The following CHRM3 variants were observed in gnomAD, a reference collection of about 807,000 sequenced individuals.
The protein encoded by CHRM3 is cholinergic receptor muscarinic 3.
In CHRM3, 11 loss-of-function variants were observed where a neutral mutation model predicts 41.8. That is an observed-to-expected ratio of 0.26 (90% confidence interval 0.17 to 0.44). CHRM3 has a LOEUF of 0.44. Ranked by LOEUF, CHRM3 falls within the 20% of genes least tolerant of loss-of-function variation. CHRM3 has a pLI of 1.00. For missense variants in CHRM3, 571 were observed against 745.4 expected (o/e 0.77, Z 2.72); for synonymous variants, 297 against 301.4 (o/e 0.99, Z 0.15).
chr1:239,404,426 GAAAGAAAGAAA>G (rs1660367023), intron 1 of CHRM3, among the ~76,000 whole-genome samples: 12 of 104,810 alleles, frequency 1.1e-4, no homozygotes, highest in African/African-American at 4.6e-4. Context: ...AAGAAAGAAA[GAAAGAAAGAAA>G]GAAAGAAAGA....
In CHRM3 at chr1:239,908,915, A is replaced by G; in HGVS notation, c.1464A>G (p.Lys488=). The change falls in exon 7 of 7, where the codon AAA becomes AAG. Residue 488 remains lysine (K), a synonymous_variant. Transcript: ENST00000676153. The surrounding 1 kb of genome is among the most constrained non-coding windows in gnomAD (Gnocchi z 7.2). ...GGATGTCCCTGGTCAAGGAGAAGAA[A>G]GCGGCCCAGACCCTCAGTGCGATCT... ...RKRMSLVKEK[K]AAQTLSAILL... 1 of 1,614,112 alleles carries G rather than the reference A, an allele frequency of 6.2e-7. No homozygotes were observed. The highest frequency in any genetic ancestry group is 2.2e-5 in the East Asian group (1 of 44,838).
At chr1:239,597,324 A>T (rs1664895476) in intron 3 of CHRM3, among the ~76,000 whole-genome samples, 1 of 152,160 alleles carries the variant, frequency 6.6e-6, no homozygotes, top group Non-Finnish European at 1.5e-5. Flanking sequence ...TTTTGTTTTC[A>T]ATGGCCCTAT....
At chr1:239,835,197 A>G (rs1222377465) in intron 6 of CHRM3, among the ~76,000 whole-genome samples, 1 of 152,234 alleles carries the variant, frequency 6.6e-6, no homozygotes, top group Admixed American at 6.5e-5. Context: ...CTCGCTGGCC[A>G]ACAGGAAACT....
At chr1:239,713,965 C>T (rs1028701753) in intron 5 of CHRM3, among the ~76,000 whole-genome samples, 3 of 152,096 alleles carry the variant, frequency 2.0e-5, no homozygotes, top group Admixed American at 2.0e-4. Context: ...GTTAATACGG[C>T]AGATTTCTTT....
At chr1:239,403,972 AGGG>A (rs1278027114) in intron 1 of CHRM3, among the ~76,000 whole-genome samples, 1 of 67,870 alleles carries the variant, frequency 1.5e-5, no homozygotes, top group African/African-American at 5.3e-5. Context: ...AGGGAGAGGG[AGGG>A]GGAGAGAGAG....
intron 6 of CHRM3, among the ~76,000 whole-genome samples, chr1:239,900,483 C>A (rs1194779787): frequency 6.6e-6 from 1 of 151,068 alleles, no homozygotes; most frequent in Non-Finnish European, 1.5e-5. Context: ...AGAGAACAGT[C>A]CTTTTAATGA....
rs143916681 is a variant in CHRM3, at chr1:239,490,541, C to T, written c.-520-2168C>T. On this transcript the variant is annotated intron_variant, in intron 1 of 6. Transcript: ENST00000676153. ...TAGTAAATATCTCTTGAATTGAATA[C>T]GTTCTGTTTCTTTTATTAGTATTAT... 5.5e-4 allele frequency among the ~76,000 whole-genome samples: 84 copies of T among 151,942 alleles called. 3 individuals are homozygous for T. The highest frequency in any genetic ancestry group is 1.9e-3 in the African/African-American group (78 of 41,466).
chr1:239,886,883 T>G (rs1202829833), intron 6 of CHRM3, among the ~76,000 whole-genome samples: 1 of 152,190 alleles, frequency 6.6e-6, no homozygotes, highest in East Asian at 1.9e-4. Flanking sequence ...TAAATGTTCC[T>G]TTGATATGTG....
At chr1:239,641,206 C>T (rs557481256) in intron 4 of CHRM3, among the ~76,000 whole-genome samples, 13 of 152,136 alleles carry the variant, frequency 8.5e-5, no homozygotes, top group South Asian at 4.2e-4. Context: ...ATTTTGGAAT[C>T]GGTGTGGTGC....
chr1:239,670,728 A>G (rs1030322942), intron 4 of CHRM3, among the ~76,000 whole-genome samples: 2 of 151,858 alleles, frequency 1.3e-5, no homozygotes, highest in African/African-American at 2.4e-5. Context: ...AGGTTTCACC[A>G]TGTTGATCAG....
At chr1:239,691,736 A>T (rs184839889) in intron 5 of CHRM3, among the ~76,000 whole-genome samples, 1 of 152,264 alleles carries the variant, frequency 6.6e-6, no homozygotes, top group African/African-American at 2.4e-5. Context: ...AGTCGTGCTA[A>T]TGTCTCCTAA....
At chr1:239,663,156 T>C (rs1673436820) in intron 4 of CHRM3, among the ~76,000 whole-genome samples, 1 of 152,058 alleles carries the variant, frequency 6.6e-6, no homozygotes, top group South Asian at 2.1e-4. Context: ...GAGGTGCCTC[T>C]GTTCTGCCCA....
At chr1:239,407,566 C>T (rs1415680927) in intron 1 of CHRM3, among the ~76,000 whole-genome samples, 2 of 151,712 alleles carry the variant, frequency 1.3e-5, no homozygotes, top group African/African-American at 4.8e-5. Flanking sequence ...ACTGACAAAC[C>T]CACCCTTATA....
At chr1:239,850,535 A>G (rs1008730485) in intron 6 of CHRM3, among the ~76,000 whole-genome samples, 3 of 152,162 alleles carry the variant, frequency 2.0e-5, no homozygotes, top group African/African-American at 7.2e-5. Flanking sequence ...ATGTCATCTC[A>G]TTTGTTAAGA....
At chr1:239,880,004 G>A (rs968982168) in intron 6 of CHRM3, among the ~76,000 whole-genome samples, 1 of 152,218 alleles carries the variant, frequency 6.6e-6, no homozygotes, top group African/African-American at 2.4e-5. Context: ...GCCAATCACT[G>A]TGATGAGGTT....
chr1:239,839,876 G>GA (rs1673647103), intron 6 of CHRM3, among the ~76,000 whole-genome samples: 1 of 152,126 alleles, frequency 6.6e-6, no homozygotes, highest in Admixed American at 6.5e-5. Context: ...GGAAAGAAAG[G>GA]AAGAAAGGAA....
At chr1:239,560,862 T>C (rs1300678968) in intron 3 of CHRM3, among the ~76,000 whole-genome samples, 2 of 152,016 alleles carry the variant, frequency 1.3e-5, no homozygotes, top group Non-Finnish European at 2.9e-5. Context: ...AAAACAGAAC[T>C]CTAGGTTTTC....
chr1:239,498,222 G>A (rs956043380), intron 2 of CHRM3, among the ~76,000 whole-genome samples: 2 of 152,008 alleles, frequency 1.3e-5, no homozygotes, highest in Non-Finnish European at 2.9e-5. Context: ...TTTTCCTGGT[G>A]GAACTAAGAC....
At chr1:239,709,064 A>G (rs1169044387) in intron 5 of CHRM3, among the ~76,000 whole-genome samples, 1 of 152,134 alleles carries the variant, frequency 6.6e-6, no homozygotes, top group African/African-American at 2.4e-5. Flanking sequence ...TCCCTAAAAC[A>G]TACTGTTTTC....
Sources: allele counts gnomAD v4.1 joint callset (sites outside exome capture counted in the v4.1 genomes callset), GRCh38; gene constraint gnomAD v4.1.1; non-coding constraint Gnocchi (gnomAD v3.1); transcripts MANE v1.5; gene names NCBI Gene and HGNC (gene_info 2026-07-23, HGNC 2026-07-21).